VSIG10L: variants seen among roughly 807,000 people sequenced by gnomAD.
VSIG10L encodes V-set and immunoglobulin domain-containing protein 10-like.
VSIG10L carries 63 observed loss-of-function variants against 67.3 expected under a neutral mutation model. The ratio of observed to expected loss-of-function variants is 0.94; its 90% confidence interval spans 0.76 to 1.15. The LOEUF (loss-of-function observed/expected upper bound fraction) is 1.15. VSIG10L is among the 50% of genes most tolerant of loss of function. VSIG10L has a pLI of 0.00. For missense variants in VSIG10L, 1,050 were observed against 1,177.5 expected, an observed-to-expected ratio of 0.89 and a Z score of 1.58; for synonymous variants, 499 against 524.9, an observed-to-expected ratio of 0.95 and a Z score of 0.67.
At chr19:51,334,026 G>A in intron 8 of VSIG10L, 81 bp from the exon 9 acceptor site, 1 of 1,530,572 alleles carries the variant, frequency 6.5e-7, no homozygotes. Context: ...AAGGGAAGCT[G>A]GTTGGAGAGG....
In VSIG10L at chr19:51,341,869, C is replaced by T; in HGVS notation, c.179G>A (p.Trp60Ter). 6.4e-7 allele frequency: 1 copy of T among 1,551,648 alleles called. No individual in the cohort carries two copies. The highest frequency in any genetic ancestry group is 1.2e-5 in the South Asian group (1 of 84,058). The change falls in exon 2 of 10, where the codon TGG becomes TAG. Residue 60 changes from tryptophan (W) to a stop codon, truncating the protein, a stop_gained. Transcript: ENST00000335624. LOFTEE classifies it high-confidence loss of function. The stretch of plus-strand genomic sequence containing the variant: ...ATCCAGGAACTGATCTGGAACTTTC[C>T]AGCTGGGAGGTTTGATGGAGGGAAC... ...VEVPSIKPPS[W>*]KVPDQFLDSK...
rs1404969636 is a variant in VSIG10L, at chr19:51,339,996, T to C, written c.1474+19A>G. ...GCCCCTCTCCCAGGCATTCCCCTAC[T>C]CCCGCTCCAGCCTCTCACCCGCCAC... On this transcript the variant is annotated intron_variant, in intron 4 of 9. Coordinates refer to ENST00000335624, the MANE Select transcript of VSIG10L (RefSeq NM_001163922.3). The C allele has an allele frequency of 1.5e-6, 2 of 1,294,006 alleles. No homozygotes were observed. The highest frequency in any genetic ancestry group is 2.0e-6 in the Non-Finnish European group (2 of 1,017,654). The allele number at this position is 1,294,006 out of a possible 1,614,324, so 80.2% of individuals were successfully genotyped here.
rs889743226 is a variant in VSIG10L at position 51,335,994 on chromosome 19, T to A, written c.2305+1244A>T. ...AGAAGTCAGGGCCCAGGATAAGACATTTGGGAGTCATCTGATTATTAATGT... is the reference window on the plus strand; with the variant it reads ...AGAAGTCAGGGCCCAGGATAAGACAATTGGGAGTCATCTGATTATTAATGT... On this transcript the variant is annotated intron_variant, in intron 7 of 9. Coordinates refer to ENST00000335624, the MANE Select transcript of VSIG10L (RefSeq NM_001163922.3). 3.7e-4 allele frequency among the ~76,000 whole-genome samples: 57 copies of A among 152,174 alleles called. 1 individual carries two copies. The highest frequency in any genetic ancestry group is 1.3e-3 in the African/African-American group (55 of 41,506).
chr19:51,337,591 G>A lies in VSIG10L; in HGVS notation c.2009-57C>T, dbSNP rs1985516062. The A allele has an allele frequency of 3.7e-6, 5 of 1,351,904 alleles. No homozygotes were observed. The South Asian group carries it at 4.6e-5, about 12-fold the overall frequency. 83.7% of individuals were successfully genotyped at this position (1,351,904 alleles called of 1,614,324 possible). ...GGTGCCAGAGGGGAGAGGGAAGGGG[G>A]CTGGGGGGCTGGGCTCCTGGGTCTG... On this transcript the variant is annotated intron_variant, in intron 6 of 9. Transcript: ENST00000335624.
Position 51,340,748 on chromosome 19 carries a change from C to T in VSIG10L, c.896-22G>A, listed in dbSNP as rs769476861. ...GGCTCTGGGAGAGGGAGAATGGGCT[C>T]AGGACCCACCCAGTCCTGGAGCCCA... On this transcript the variant is annotated intron_variant, in intron 2 of 9. Coordinates refer to ENST00000335624, the MANE Select transcript of VSIG10L (RefSeq NM_001163922.3). This position sits in a 1 kb window ranked among gnomAD's most constrained non-coding sequence, Gnocchi z 6.3. The T allele has an allele frequency of 2.9e-4, 420 of 1,465,988 alleles. No homozygotes were observed. The highest frequency in any genetic ancestry group is 3.5e-4 in the Non-Finnish European group (384 of 1,111,658). The allele number at this position is 1,465,988 out of a possible 1,614,324, so 90.8% of individuals were successfully genotyped here.
intron 9 of VSIG10L, 34 bp downstream of exon 9, chr19:51,333,757 G>C (rs542938280): frequency 4.9e-5 from 74 of 1,507,914 alleles, no homozygotes; most frequent in Non-Finnish European, 6.4e-5. Flanking sequence ...GTTCCGCCCC[G>C]ATTCCAGGAG....
Position 51,339,146 on chromosome 19 carries a change from C to A in VSIG10L, c.1475-4G>T. 6.2e-6 allele frequency: 8 copies of A among 1,290,190 alleles called. No homozygotes were observed. The highest frequency in any genetic ancestry group is 6.9e-6 in the Non-Finnish European group (7 of 1,009,988). The allele number at this position is 1,290,190 out of a possible 1,614,324, so 79.9% of individuals were successfully genotyped here. ...TGTGGGGCCCCGGGGGGCAGGTCTG[C>A]GGAGAGAAGGGAGAGAATGAAGATG... On this transcript the variant is annotated splice_region_variant and splice_polypyrimidine_tract_variant and intron_variant, in intron 4 of 9. Transcript: ENST00000335624.
chr19:51,337,985 G>A lies in VSIG10L; in HGVS notation c.1953C>T (p.Tyr651=). 6.4e-7 allele frequency: 1 copy of A among 1,551,694 alleles called. No individual in the cohort carries two copies. The highest frequency in any genetic ancestry group is 2.0e-5 in the Admixed American group (1 of 50,996). ...NFSLDWDLGN[Y]SVLCSGALGA... ...CCAGCGCCCCACTGCACAGCACGGAGTAATTTCCCAGGTCCCAATCCAGGC... is the reference window on the plus strand; with the variant it reads ...CCAGCGCCCCACTGCACAGCACGGAATAATTTCCCAGGTCCCAATCCAGGC... The change falls in exon 6 of 10, where the codon TAC becomes TAT. Residue 651 remains tyrosine (Y), a synonymous_variant. Transcript: ENST00000335624.
intron 4 of VSIG10L, chr19:51,339,739 C>T (rs1355858661): frequency 6.2e-6 from 2 of 324,790 alleles, no homozygotes; most frequent in Admixed American, 5.0e-5. Context: ...TGGGCCGGCC[C>T]GTCAGTCCTG....
Position 51,340,635 on chromosome 19 carries a change from T to C in VSIG10L, c.987A>G (p.Pro329=). 1 of 1,534,070 alleles carries C rather than the reference T, an allele frequency of 6.5e-7. No individual in the cohort carries two copies. Among genetic ancestry groups the C allele is most frequent in the Non-Finnish European group, 8.7e-7 (1 of 1,145,880 alleles). The part of the protein sequence containing the change: ...ELRLRCLGWG[P]GRGELSWSRD... ...GGCTCCAGCTCAGCTCCCCGCGACC[T>C]GGCCCCCACCCCAGGCAGCGCAGCC... Residue 329 remains proline (P), a synonymous_variant, in exon 3 of 10, where the codon CCA becomes CCG. Transcript: ENST00000335624. The surrounding 1 kb of genome is among the most constrained non-coding windows in gnomAD (Gnocchi z 6.3).
chr19:51,341,678 C>G lies in VSIG10L; in HGVS notation c.370G>C (p.Asp124His). The change falls in exon 2 of 10, where the codon GAT becomes CAT. Residue 124 changes from aspartate (D) to histidine (H), a missense_variant. Asp to His is a moderately conservative substitution (Grantham distance 81). Transcript: ENST00000335624. ...GGGTCTTTGGCAGGAACTTGAGGAT[C>G]CGAAATATCAGGAAATACTTCAGAA... ...PGSEVFPDISDPQVPAKDPKP... is the reference protein window; with the variant it reads ...PGSEVFPDISHPQVPAKDPKP... 1 of 1,551,634 alleles carries G rather than the reference C, an allele frequency of 6.4e-7. No homozygotes were observed. Among genetic ancestry groups the G allele is most frequent in the Non-Finnish European group, 8.7e-7 (1 of 1,146,986 alleles).
In VSIG10L at chr19:51,338,892, C is replaced by A; in HGVS notation, c.1725G>T (p.Thr575=). 1.4e-6 allele frequency: 2 copies of A among 1,399,124 alleles called. No individual in the cohort carries two copies. Among genetic ancestry groups the A allele is most frequent in the Non-Finnish European group, 9.3e-7 (1 of 1,069,854 alleles). 86.7% of individuals were successfully genotyped at this position (1,399,124 alleles called of 1,614,324 possible). The change falls in exon 5 of 10, where the codon ACG becomes ACT. Residue 575 remains threonine, a synonymous_variant. Coordinates refer to ENST00000335624, the MANE Select transcript of VSIG10L (RefSeq NM_001163922.3). The part of the protein sequence containing the change: ...HLVATRTCTV[T]PEAPREVLLH... The stretch of plus-strand genomic sequence containing the variant: ...AAAAGCCCCGCGCCCTCTCACCCGG[C>A]GTGACTGTGCAGGTACGCGTGGCCA...
chr19:51,340,534 A>G lies in VSIG10L; in HGVS notation c.1088T>C (p.Leu363Pro). Residue 363 changes from leucine to proline, a missense_variant, in exon 3 of 10, where the codon CTG (leucine) becomes CCG (proline). This residue lies in a region of VSIG10L where 511 missense variants were observed against 557.9 expected (regional missense o/e 0.92). Transcript: ENST00000335624. This position sits in a 1 kb window ranked among gnomAD's most constrained non-coding sequence, Gnocchi z 6.3. ...TPRMRSEGDQLLIVRPVRSDH... is the reference protein window; with the variant it reads ...TPRMRSEGDQPLIVRPVRSDH... Reference sequence around the variant, plus strand: ...GCTGCGCACAGGGCGCACGATGAGCAGCTGGTCGCCCTCTGAGCGCATCCG... The same window carrying G: ...GCTGCGCACAGGGCGCACGATGAGCGGCTGGTCGCCCTCTGAGCGCATCCG... 6.5e-7 allele frequency: 1 copy of G among 1,534,896 alleles called. No individual in the cohort carries two copies. Among genetic ancestry groups the G allele is most frequent in the South Asian group, 1.2e-5 (1 of 83,930 alleles).
At chr19:51,339,297 T>C (rs1200846415) in intron 4 of VSIG10L, among the ~76,000 whole-genome samples, 155 bp from the exon 5 acceptor site, 4 of 152,192 alleles carry the variant, frequency 2.6e-5, no homozygotes. Flanking sequence ...CCTTTTCCCA[T>C]TAACTTCCTC....
chr19:51,341,147 A>T lies in VSIG10L; in HGVS notation c.895+6T>A. The T allele has an allele frequency of 6.7e-7, 1 of 1,496,794 alleles. No individual in the cohort carries two copies. Among genetic ancestry groups the T allele is most frequent in the Non-Finnish European group, 8.9e-7 (1 of 1,118,230 alleles). The allele number at this position is 1,496,794 out of a possible 1,614,324, so 92.7% of individuals were successfully genotyped here. The stretch of plus-strand genomic sequence containing the variant: ...GCCTGCACGCCGGACGCCAGGGCCC[A>T]CTTACCATACACACCCACCGTGAAC... On this transcript the variant is annotated splice_donor_region_variant and intron_variant, in intron 2 of 9. Coordinates refer to ENST00000335624, the MANE Select transcript of VSIG10L (RefSeq NM_001163922.3).
intron 5 of VSIG10L, 53 bp downstream of exon 5, chr19:51,338,834 GA>G (rs1182025370): frequency 7.5e-7 from 1 of 1,338,424 alleles, no homozygotes; most frequent in African/African-American, 1.5e-5. Context: ...AAGGACCAAA[GA>G]AAAAGTCTCC....
In VSIG10L at chr19:51,340,621, A is replaced by C; in HGVS notation, c.1001T>G (p.Leu334Arg). ...GGCGCGTCCGTCCCGGCTCCAGCTC[A>C]GCTCCCCGCGACCTGGCCCCCACCC... Reference protein sequence around the residue: ...CLGWGPGRGELSWSRDGRALE... With the variant: ...CLGWGPGRGERSWSRDGRALE... Residue 334 changes from leucine to arginine, a missense_variant, in exon 3 of 10, where the codon CTG becomes CGG. By Grantham distance (102) the Leu-to-Arg change is moderately radical (BLOSUM62 -2). Around this residue, in one of 3 missense-constraint regions of VSIG10L, gnomAD observed 511 missense variants for 557.9 expected, o/e 0.92. Coordinates refer to ENST00000335624, the MANE Select transcript of VSIG10L (RefSeq NM_001163922.3). The surrounding 1 kb of genome is among the most constrained non-coding windows in gnomAD (Gnocchi z 6.3). The C allele has an allele frequency of 6.5e-7, 1 of 1,534,586 alleles. No individual in the cohort carries two copies.
chr19:51,334,008 C>T, intron 8 of VSIG10L, 63 bp from the exon 9 acceptor site: 1 of 1,542,304 alleles, frequency 6.5e-7, no homozygotes, highest in Non-Finnish European at 8.8e-7. Flanking sequence ...GCCAACCCAG[C>T]CAATAGCAAG....
In VSIG10L at chr19:51,332,252, G is replaced by GT. The variant is rs1985375850; in HGVS notation, c.*358dup. 2.6e-6 allele frequency: 1 copy of GT among 381,048 alleles called. No individual in the cohort carries two copies. The highest frequency in any genetic ancestry group is 5.0e-6 in the Non-Finnish European group (1 of 198,674). The allele number at this position is 381,048 out of a possible 1,614,324, so 23.6% of individuals were successfully genotyped here. On this transcript the variant is annotated 3_prime_UTR_variant, in exon 10 of 10. Coordinates refer to ENST00000335624, the MANE Select transcript of VSIG10L (RefSeq NM_001163922.3). The stretch of plus-strand genomic sequence containing the variant: ...GTGGCCTACAGGTGGCAAAGTGAAT[G>GT]TAAGGGGACCTTTTCAGAGAACATG...
Sources: allele counts gnomAD v4.1 joint callset (sites outside exome capture counted in the v4.1 genomes callset), GRCh38; gene constraint gnomAD v4.1.1; regional missense constraint gnomAD v4.1.1; non-coding constraint Gnocchi (gnomAD v3.1); transcripts MANE v1.5; gene names NCBI Gene and HGNC (gene_info 2026-07-23, HGNC 2026-07-21).